The following LRP1B variants were observed in gnomAD, a reference collection of about 807,000 sequenced individuals.
LRP1B encodes LDL receptor related protein 1B.
A neutral mutation model predicts 556.6 loss-of-function variants in LRP1B; 217 were observed. The ratio of observed to expected loss-of-function variants is 0.39; its 90% confidence interval spans 0.35 to 0.44. The LOEUF (loss-of-function observed/expected upper bound fraction) is 0.44, where lower values mean the gene tolerates loss of function less well. Ranked by LOEUF, LRP1B falls within the 20% of genes least tolerant of loss-of-function variation. The pLI is 1.00. For synonymous variants in LRP1B, 2,047 were observed against 1,865.8 expected (o/e 1.10, Z -2.50); for missense variants, 5,053 against 5,620.8 (o/e 0.90, Z 3.23).
rs554481938 is a variant in LRP1B at position 140,762,496 on chromosome 2, C to T, written c.5758+6717G>A. On this transcript the variant is annotated intron_variant, in intron 35 of 90. Transcript: ENST00000389484. ...TTTTTTTTGTTATTTTAATTTCTTC[C>T]TCTTCCAACCCCTCAGTTTTCTAAT... is the stretch of plus-strand genomic sequence containing the variant. Among the ~76,000 whole-genome samples the T allele has an allele frequency of 8.1e-4, 123 of 152,158 alleles. 1 individual carries two copies. The highest frequency in any genetic ancestry group is 2.6e-3 in the African/African-American group (110 of 41,530).
At chr2:141,553,066 G>C (rs530296822) in intron 2 of LRP1B, among the ~76,000 whole-genome samples, 32 of 151,952 alleles carry the variant, frequency 2.1e-4, no homozygotes, top group Non-Finnish European at 4.1e-4. Context: ...CCTGTCTAGT[G>C]CTAGATTCTA....
At chr2:141,726,153 A>G (rs1693023711) in intron 2 of LRP1B, among the ~76,000 whole-genome samples, 1 of 151,390 alleles carries the variant, frequency 6.6e-6, no homozygotes, top group African/African-American at 2.4e-5. Flanking sequence ...GTAATAATAA[A>G]TGGCATGAAA....
intron 3 of LRP1B, among the ~76,000 whole-genome samples, chr2:141,278,661 A>G (rs1404286349): frequency 1.3e-5 from 2 of 152,078 alleles, no homozygotes; most frequent in Non-Finnish European, 2.9e-5. Context: ...CTTTGCATAG[A>G]AGGAGCAAAG....
intron 35 of LRP1B, among the ~76,000 whole-genome samples, chr2:140,766,825 ATATATATATATATATATATT>A (rs1689122388): frequency 1.2e-5 from 1 of 81,490 alleles, no homozygotes; most frequent in Non-Finnish European, 2.4e-5. Context: ...TTTGTAAAAT[ATATATATATATATATATATT>A]ATATATATAT....
At chr2:142,039,015 C>T (rs1703977699) in intron 1 of LRP1B, among the ~76,000 whole-genome samples, 1 of 151,400 alleles carries the variant, frequency 6.6e-6, no homozygotes, top group African/African-American at 2.4e-5. Context: ...AGTTTTAAGT[C>T]ACAATACACC....
chr2:140,963,132 T>C (rs1288891918), intron 18 of LRP1B, among the ~76,000 whole-genome samples: 1 of 152,128 alleles, frequency 6.6e-6, no homozygotes, highest in Non-Finnish European at 1.5e-5. Flanking sequence ...AAACCCCAAC[T>C]TGGCATGATA....
intron 11 of LRP1B, among the ~76,000 whole-genome samples, chr2:141,045,074 G>A (rs554501365): frequency 2.4e-3 from 353 of 149,822 alleles, no homozygotes; most frequent in Non-Finnish European, 3.9e-3. Context: ...TATACACCAC[G>A]GAATACTATG....
At position 142,016,561 on chromosome 2, in the gene LRP1B, A is replaced by G. The variant is rs534520784; in HGVS notation, c.82+114087T>C. 1.8e-4 allele frequency among the ~76,000 whole-genome samples: 27 copies of G among 152,232 alleles called. No homozygotes were observed. In the South Asian group the frequency reaches 5.6e-3, roughly 32 times the overall value. ...GATGAAGCTGGAAACCATCATTCTC[A>G]ATAAATTAACACAGGAACAGAAAAC... On this transcript the variant is annotated intron_variant, in intron 1 of 90. Transcript: ENST00000389484.
chr2:140,930,689 G>A (rs991113107), intron 20 of LRP1B, among the ~76,000 whole-genome samples: 3 of 151,976 alleles, frequency 2.0e-5, no homozygotes, highest in Non-Finnish European at 2.9e-5. Context: ...CCTTTAACTT[G>A]TCATTCATTG....
intron 1 of LRP1B, among the ~76,000 whole-genome samples, chr2:142,043,155 T>C (rs561052419): frequency 2.6e-5 from 4 of 151,700 alleles, no homozygotes; most frequent in African/African-American, 7.2e-5. Flanking sequence ...CTGGATGTAA[T>C]TGAAATTCCT....
chr2:141,257,600 TAGG>T (rs767296867), intron 3 of LRP1B, among the ~76,000 whole-genome samples: 3 of 152,178 alleles, frequency 2.0e-5, no homozygotes, highest in Non-Finnish European at 4.4e-5. Flanking sequence ...TTCTGAGTGT[TAGG>T]AGGAGATCTG....
chr2:141,881,929 C>A (rs1698973233), intron 1 of LRP1B, among the ~76,000 whole-genome samples: 1 of 151,982 alleles, frequency 6.6e-6, no homozygotes, highest in South Asian at 2.1e-4. Context: ...ATTCAAGGAA[C>A]TTTTTTTCTT....
intron 2 of LRP1B, among the ~76,000 whole-genome samples, chr2:141,539,671 T>C (rs1685185307): frequency 6.6e-6 from 1 of 152,332 alleles, no homozygotes; most frequent in East Asian, 1.9e-4. Flanking sequence ...GCAAATATTT[T>C]AGGCTTTGAA....
At chr2:142,012,309 C>A (rs1425741672) in intron 1 of LRP1B, among the ~76,000 whole-genome samples, 1 of 151,994 alleles carries the variant, frequency 6.6e-6, no homozygotes, top group East Asian at 1.9e-4. Flanking sequence ...TCTATTAAAT[C>A]AAATTAATTT....
intron 47 of LRP1B, among the ~76,000 whole-genome samples, chr2:140,528,596 G>T (rs1201833842): frequency 6.6e-6 from 1 of 151,796 alleles, no homozygotes; most frequent in Admixed American, 6.6e-5. Flanking sequence ...GGAACAGATT[G>T]TCCCTTTGTA....
intron 32 of LRP1B, among the ~76,000 whole-genome samples, chr2:140,795,929 T>G (rs1004308842): frequency 6.6e-6 from 1 of 152,092 alleles, no homozygotes; most frequent in African/African-American, 2.4e-5. Flanking sequence ...TGTGATTATA[T>G]TAACTCAAAC....
At chr2:140,349,716 C>A (rs989985823) in intron 77 of LRP1B, among the ~76,000 whole-genome samples, 9 of 151,910 alleles carry the variant, frequency 5.9e-5, no homozygotes, top group African/African-American at 2.2e-4. Flanking sequence ...ACCGTAGAAG[C>A]AATGTTTTCA....
chr2:140,523,809 T>A (rs6430912), intron 49 of LRP1B, among the ~76,000 whole-genome samples: 146,585 of 152,046 alleles, frequency 0.96, 70,890 homozygotes, highest in East Asian at 1. Flanking sequence ...CTTATCATAT[T>A]CAAAAATTAA....
intron 1 of LRP1B, among the ~76,000 whole-genome samples, chr2:141,939,229 G>T (rs1700723285): frequency 6.6e-6 from 1 of 151,722 alleles, no homozygotes; most frequent in Non-Finnish European, 1.5e-5. Flanking sequence ...ACATCAAAAT[G>T]GCATGCTTTA....
Sources: allele counts gnomAD v4.1 joint callset (sites outside exome capture counted in the v4.1 genomes callset), GRCh38; gene constraint gnomAD v4.1.1; transcripts MANE v1.5; gene names NCBI Gene and HGNC (gene_info 2026-07-23, HGNC 2026-07-21).